The following ADAMTS6 variants were observed in gnomAD, a reference collection of about 807,000 sequenced individuals.
ADAMTS6 encodes A disintegrin and metalloproteinase with thrombospondin motifs 6.
In ADAMTS6, 23 loss-of-function variants were observed where a neutral mutation model predicts 144.3. The ratio of observed to expected loss-of-function variants is 0.16; its 90% CI spans 0.11 to 0.23. ADAMTS6 has a LOEUF of 0.23. Ranked by LOEUF, ADAMTS6 falls within the 10% of genes least tolerant of loss-of-function variation. The probability of loss-of-function intolerance (pLI) is 1.00; values close to 1 mark genes in which losing one functional copy is unlikely to be tolerated. For synonymous variants in ADAMTS6, 444 were observed against 457.5 expected (o/e 0.97, Z 0.38); for missense variants, 999 against 1,379.6 (o/e 0.72, Z 4.37).
At chr5:65,286,305 T>C (rs1741653116) in intron 11 of ADAMTS6, among the ~76,000 whole-genome samples, 1 of 152,166 alleles carries the variant, frequency 6.6e-6, no homozygotes, top group Admixed American at 6.5e-5. Flanking sequence ...GTGAACAGAT[T>C]TTTTTTTATT....
At chr5:65,328,147 T>G (rs1009483087) in intron 9 of ADAMTS6, among the ~76,000 whole-genome samples, 1 of 152,150 alleles carries the variant, frequency 6.6e-6, no homozygotes, top group Non-Finnish European at 1.5e-5. Context: ...ACTTGCTGTT[T>G]ATTTAAATTT....
At chr5:65,265,618 C>T (rs10940024) in intron 12 of ADAMTS6, among the ~76,000 whole-genome samples, 80,447 of 151,622 alleles carry the variant, frequency 0.53, 21,504 homozygotes, top group African/African-American at 0.58. Flanking sequence ...CTGACACTTT[C>T]AGAAACTTCA....
intron 7 of ADAMTS6, among the ~76,000 whole-genome samples, chr5:65,398,837 AAAG>A (rs1753656460): frequency 7.2e-6 from 1 of 138,752 alleles, no homozygotes; most frequent in South Asian, 2.2e-4. Context: ...AGAAAGAAAG[AAAG>A]AAAGAAAGAA....
At chr5:65,218,288 T>C (rs1225072043) in intron 18 of ADAMTS6, among the ~76,000 whole-genome samples, 1 of 152,150 alleles carries the variant, frequency 6.6e-6, no homozygotes, top group Non-Finnish European at 1.5e-5. Context: ...GAATAAAGAA[T>C]ATTCTGGATT....
At chr5:65,425,405 A>G (rs1756427615) in intron 7 of ADAMTS6, among the ~76,000 whole-genome samples, 1 of 152,152 alleles carries the variant, frequency 6.6e-6, no homozygotes, top group Non-Finnish European at 1.5e-5. Context: ...CTAACATCCT[A>G]CCATCACTCT....
chr5:65,360,331 A>C (rs776212494), intron 7 of ADAMTS6, among the ~76,000 whole-genome samples: 3 of 152,144 alleles, frequency 2.0e-5, no homozygotes, highest in Non-Finnish European at 1.5e-5. Flanking sequence ...AACCACAATA[A>C]ATCACCCCCA....
At chr5:65,435,748 C>T (rs771211239) in intron 7 of ADAMTS6, among the ~76,000 whole-genome samples, 10 of 151,946 alleles carry the variant, frequency 6.6e-5, no homozygotes, top group African/African-American at 1.5e-4. Context: ...GCCTCAGCCT[C>T]CCGAGTAGCT....
At chr5:65,242,827 C>G (rs2112498688) in intron 14 of ADAMTS6, among the ~76,000 whole-genome samples, 1 of 152,068 alleles carries the variant, frequency 6.6e-6, no homozygotes, top group Admixed American at 6.5e-5. Context: ...AAATAAAATA[C>G]AAAATGGCCC....
chr5:65,380,818 T>C (rs575604328), intron 7 of ADAMTS6, among the ~76,000 whole-genome samples: 22 of 152,310 alleles, frequency 1.4e-4, no homozygotes, highest in South Asian at 1.0e-3. Context: ...ATTGAAGATA[T>C]TAAACACTTG....
intron 7 of ADAMTS6, among the ~76,000 whole-genome samples, chr5:65,437,246 C>T (rs1757506538): frequency 6.6e-6 from 1 of 151,924 alleles, no homozygotes. Flanking sequence ...AGGCACCCAC[C>T]ACCACGCCCA....
At chr5:65,164,690 G>A (rs1188484751) in intron 24 of ADAMTS6, among the ~76,000 whole-genome samples, 13 of 147,618 alleles carry the variant, frequency 8.8e-5, no homozygotes, top group Middle Eastern at 3.5e-3. Context: ...ATCTGAGAAC[G>A]GGCAGACTGC....
At chr5:65,450,530 A>C (rs1758655231) in intron 7 of ADAMTS6, among the ~76,000 whole-genome samples, 1 of 152,182 alleles carries the variant, frequency 6.6e-6, no homozygotes, top group Non-Finnish European at 1.5e-5. Flanking sequence ...TATTTCACCT[A>C]GCCAAGAGAG....
At chr5:65,175,407 A>AC (rs397743139) in intron 22 of ADAMTS6, among the ~76,000 whole-genome samples, 3 of 151,696 alleles carry the variant, frequency 2.0e-5, no homozygotes, top group East Asian at 1.9e-4. Context: ...GGAAAAAAAA[A>AC]CAGTGTACCC....
intron 21 of ADAMTS6, among the ~76,000 whole-genome samples, chr5:65,193,945 A>AT (rs530331693): frequency 3.9e-5 from 6 of 152,046 alleles, no homozygotes; most frequent in South Asian, 2.1e-4. Context: ...GTGTAATACA[A>AT]TTTTTTTTAT....
chr5:65,340,559 A>G (rs1398786608), intron 7 of ADAMTS6, among the ~76,000 whole-genome samples: 1 of 152,096 alleles, frequency 6.6e-6, no homozygotes, highest in Non-Finnish European at 1.5e-5. Context: ...CAAATGATAA[A>G]CCAAATAACT....
At chr5:65,421,723 T>A (rs1756058309) in intron 7 of ADAMTS6, among the ~76,000 whole-genome samples, 1 of 152,132 alleles carries the variant, frequency 6.6e-6, no homozygotes, top group African/African-American at 2.4e-5. Flanking sequence ...AAGCATATGA[T>A]AACATAAATG....
chr5:65,396,861 G>A (rs549157111), intron 7 of ADAMTS6, among the ~76,000 whole-genome samples: 1 of 152,290 alleles, frequency 6.6e-6, no homozygotes, highest in Admixed American at 6.5e-5. Flanking sequence ...CATAGGATGG[G>A]TTCAAAAGCA....
chr5:65,290,975 C>G (rs1234281253), intron 11 of ADAMTS6, among the ~76,000 whole-genome samples: 1 of 152,010 alleles, frequency 6.6e-6, no homozygotes, highest in Non-Finnish European at 1.5e-5. Flanking sequence ...TGCCCTTTAG[C>G]TCAATTATAA....
At chr5:65,334,202 A>G (rs879765314) in intron 7 of ADAMTS6, 117 bp from the exon 8 acceptor site, 7 of 1,170,996 alleles carry the variant, frequency 6.0e-6, no homozygotes, top group African/African-American at 1.6e-5. Context: ...ATTATGAGCA[A>G]TCAACTGGAG....
Sources: gnomAD v4.1 joint callset for allele counts (sites outside exome capture counted in the v4.1 genomes callset) on GRCh38, gnomAD v4.1.1 for gene constraint, MANE v1.5 for transcripts, NCBI Gene and HGNC (gene_info 2026-07-23, HGNC 2026-07-21) for gene names.